The following RPS6KA3 variants were observed in gnomAD, a reference collection of about 807,000 sequenced individuals.
RPS6KA3 encodes the protein ribosomal protein S6 kinase A3.
Under a neutral mutation model 67.2 loss-of-function variants are expected in RPS6KA3, and 4 were observed. The observed-to-expected ratio is 0.06, with a 90% CI of 0.03 to 0.14. RPS6KA3 has a LOEUF of 0.14. Among genes scored for constraint, RPS6KA3 ranks in the 10% least tolerant of loss-of-function variants. RPS6KA3 has a pLI of 1.00. For missense variants in RPS6KA3, 204 were observed against 559.0 expected, an observed-to-expected ratio of 0.36 and a Z score of 6.40; for synonymous variants, 182 against 183.7, an observed-to-expected ratio of 0.99 and a Z score of 0.07.
chrX:20,215,212 A>AGT (rs573108148), intron 2 of RPS6KA3, among the ~76,000 whole-genome samples: 35,526 of 105,440 alleles, frequency 0.34, 5,726 homozygotes, highest in African/African-American at 0.57. Flanking sequence ...TCCTTTTCTT[A>AGT]GTGTGTGTGT....
chrX:20,249,263 T>C (rs921697140), intron 1 of RPS6KA3, among the ~76,000 whole-genome samples: 3 of 112,285 alleles, frequency 2.7e-5, no homozygotes, highest in Non-Finnish European at 5.6e-5. Flanking sequence ...CAAATAAAGC[T>C]GCTAGGAACA....
intron 3 of RPS6KA3, 119 bp downstream of exon 3, chrX:20,209,169 A>C: frequency 1.9e-6 from 1 of 517,824 alleles, no homozygotes; most frequent in Non-Finnish European, 3.5e-6. Context: ...GTAAAAAAAC[A>C]GAAAACATTG....
intron 7 of RPS6KA3, among the ~76,000 whole-genome samples, chrX:20,192,794 T>A (rs1310947812): frequency 2.8e-5 from 3 of 108,810 alleles, no homozygotes; most frequent in Non-Finnish European, 5.7e-5. Flanking sequence ...GGTTTTGCCA[T>A]GTTGCCCACA....
chrX:20,174,347 C>CTTTTTT (rs746491012), intron 14 of RPS6KA3, among the ~76,000 whole-genome samples: 1 of 91,460 alleles, frequency 1.1e-5, no homozygotes, highest in East Asian at 3.2e-4. Context: ...ATTCTACTTT[C>CTTTTTT]TTTTTTTTTT....
At chrX:20,234,625 C>A (rs1416260060) in intron 2 of RPS6KA3, 133 bp downstream of exon 2, 2 of 506,998 alleles carry the variant, frequency 3.9e-6, no homozygotes, top group Admixed American at 2.7e-5. Context: ...ATAATGTAGT[C>A]TGGTAAAGTT....
At chrX:20,261,173 A>C (rs1009220677) in intron 1 of RPS6KA3, among the ~76,000 whole-genome samples, 2 of 110,818 alleles carry the variant, frequency 1.8e-5, no homozygotes, top group African/African-American at 6.6e-5. Context: ...GGGGTGAAGA[A>C]AGGTTGGTTA....
intron 3 of RPS6KA3, among the ~76,000 whole-genome samples, chrX:20,205,553 T>C (rs867603270): frequency 3.6e-5 from 4 of 111,960 alleles, no homozygotes; most frequent in Admixed American, 9.4e-5. Flanking sequence ...GGTGTGTTGC[T>C]CTCCAATAAT....
intron 16 of RPS6KA3, among the ~76,000 whole-genome samples, 155 bp from the exon 17 acceptor site, chrX:20,167,902 C>T (rs1469569558): frequency 8.9e-6 from 1 of 112,536 alleles, no homozygotes; most frequent in African/African-American, 3.2e-5. Flanking sequence ...CCCAGGAGTG[C>T]ACTGGCACAA....
At chrX:20,165,870 G>A (rs1023970912) in intron 17 of RPS6KA3, among the ~76,000 whole-genome samples, 10 of 110,907 alleles carry the variant, frequency 9.0e-5, no homozygotes, top group African/African-American at 2.3e-4. Context: ...TATCCGTGGC[G>A]TATATGTTTC....
At chrX:20,198,814 C>G (rs929748516) in intron 4 of RPS6KA3, among the ~76,000 whole-genome samples, 1 of 112,162 alleles carries the variant, frequency 8.9e-6, no homozygotes, top group Non-Finnish European at 1.9e-5. Flanking sequence ...TGAACAAAGA[C>G]TGGATATCTT....
chrX:20,228,971 T>C (rs1409045115), intron 2 of RPS6KA3, among the ~76,000 whole-genome samples: 1 of 111,982 alleles, frequency 8.9e-6, no homozygotes, highest in Admixed American at 9.5e-5. Flanking sequence ...TATGCTTCTG[T>C]AACAACGAAT....
At chrX:20,190,090 A>T (rs932732742) in intron 7 of RPS6KA3, among the ~76,000 whole-genome samples, 1 of 111,591 alleles carries the variant, frequency 9.0e-6, no homozygotes, top group Admixed American at 9.6e-5. Flanking sequence ...GGTAATTCTG[A>T]AAGAAAAAAG....
rs994893732 is a variant in RPS6KA3 at position 20,154,651 on chromosome X, C to T, written c.*747G>A. ...CATATGATAACTTTCTCTACCATAA[C>T]AGCTCTCTAGGTTAGTCTGACAGAG... On this transcript the variant is annotated 3_prime_UTR_variant, in exon 22 of 22. Coordinates refer to ENST00000379565, the MANE Select transcript of RPS6KA3 (RefSeq NM_004586.3). 1.8e-5 allele frequency: 2 copies of T among 113,037 alleles called. No individual in the cohort carries two copies. The highest frequency in any genetic ancestry group is 9.4e-5 in the Admixed American group (1 of 10,625). The allele number at this position is 113,037 out of a possible 1,213,427, so 9.3% of individuals were successfully genotyped here.
Position 20,172,661 on chromosome X carries a change from C to T in RPS6KA3, c.1353+85G>A, listed in dbSNP as rs1384003545. ...TTTTTATAACAAAAGGCACTTTTAA[C>T]AACAAGGGGAGTGTAATTTTTAACT... On this transcript the variant is annotated intron_variant, in intron 15 of 21. Coordinates refer to ENST00000379565, the MANE Select transcript of RPS6KA3 (RefSeq NM_004586.3). 9.4e-6 allele frequency: 8 copies of T among 852,106 alleles called. No homozygotes were observed. The African/African-American group carries it at 1.6e-4, about 17-fold the overall frequency. The allele number at this position is 852,106 out of a possible 1,213,427, so 70.2% of individuals were successfully genotyped here.
chrX:20,253,635 T>C (rs2069949360), intron 1 of RPS6KA3, among the ~76,000 whole-genome samples: 1 of 111,670 alleles, frequency 9.0e-6, no homozygotes, highest in Non-Finnish European at 1.9e-5. Flanking sequence ...CTCCAAGTGA[T>C]TAATTTTTAT....
At chrX:20,182,576 C>T (rs901873777) in intron 10 of RPS6KA3, among the ~76,000 whole-genome samples, 4 of 112,310 alleles carry the variant, frequency 3.6e-5, no homozygotes, top group African/African-American at 1.3e-4. Context: ...TACGAATATA[C>T]CATCATTTAT....
chrX:20,253,077 G>T (rs1175982308), intron 1 of RPS6KA3, among the ~76,000 whole-genome samples: 3 of 110,274 alleles, frequency 2.7e-5, no homozygotes, highest in Admixed American at 9.7e-5. Context: ...AGTGGAATGA[G>T]GGAAAACGCT....
In RPS6KA3 at chrX:20,150,423, A is replaced by G. The variant is rs764852649; in HGVS notation, c.*4975T>C. On this transcript the variant is annotated 3_prime_UTR_variant, in exon 22 of 22. Transcript: ENST00000379565. ...TTTTGCTTAGGGCAACAGTTAAGATAAACTAATACACGTATATGATTTTAA... is the reference window on the plus strand; with the variant it reads ...TTTTGCTTAGGGCAACAGTTAAGATGAACTAATACACGTATATGATTTTAA... 16 of 112,743 alleles carry G rather than the reference A, an allele frequency of 1.4e-4. No homozygotes were observed. Among genetic ancestry groups the G allele is most frequent in the Non-Finnish European group, 3.0e-4 (16 of 53,238 alleles). 9.3% of individuals were successfully genotyped at this position (112,743 alleles called of 1,213,427 possible).
At chrX:20,216,348 C>T (rs1052094968) in intron 2 of RPS6KA3, among the ~76,000 whole-genome samples, 49 of 110,943 alleles carry the variant, frequency 4.4e-4, no homozygotes, top group African/African-American at 1.5e-3. Context: ...AAGCTATGTA[C>T]GGGAATTCAC....
Sources: gnomAD v4.1 joint callset for allele counts (sites outside exome capture counted in the v4.1 genomes callset) on GRCh38, gnomAD v4.1.1 for gene constraint, MANE v1.5 for transcripts, NCBI Gene and HGNC (gene_info 2026-07-23, HGNC 2026-07-21) for gene names.